Variants in SPON1 observed in about 807,000 individuals in gnomAD.
SPON1 encodes spondin-1.
In SPON1, 52 loss-of-function variants were observed where a neutral mutation model predicts 111.7. That is an observed-to-expected ratio of 0.47 (90% CI 0.37 to 0.59). SPON1 has a LOEUF of 0.59. Among genes scored for constraint, SPON1 ranks in the 20% least tolerant of loss-of-function variants. The pLI is 0.00. For missense variants in SPON1, 957 were observed against 1,068.5 expected (o/e 0.90, Z 1.46); for synonymous variants, 410 against 395.8 (o/e 1.04, Z -0.43).
At chr11:14,122,181 TTTA>T (rs151129585) in intron 5 of SPON1, among the ~76,000 whole-genome samples, 14,660 of 152,080 alleles carry the variant, frequency 0.096, 859 homozygotes, top group African/African-American at 0.15. Flanking sequence ...TTTTTATTTA[TTTA>T]TTTATTTTGA....
intron 5 of SPON1, among the ~76,000 whole-genome samples, chr11:14,090,133 GC>G (rs1849037766): frequency 6.7e-6 from 1 of 148,886 alleles, no homozygotes; most frequent in Non-Finnish European, 1.5e-5. Flanking sequence ...CCTGGTTTCA[GC>G]CCCCTTTCCA....
intron 6 of SPON1, among the ~76,000 whole-genome samples, chr11:14,161,306 T>TATA (rs1349583068): frequency 1.3e-5 from 1 of 75,798 alleles, no homozygotes; most frequent in African/African-American, 5.0e-5. Context: ...TATATATATA[T>TATA]TTTTTTATAT....
At chr11:14,238,085 A>T (rs1848886440) in intron 6 of SPON1, among the ~76,000 whole-genome samples, 1 of 152,250 alleles carries the variant, frequency 6.6e-6, no homozygotes, top group African/African-American at 2.4e-5. Context: ...TGTTGTAAGG[A>T]TTAAATCAGA....
At chr11:14,130,186 G>C (rs1554927410) in intron 5 of SPON1, among the ~76,000 whole-genome samples, 1 of 152,182 alleles carries the variant, frequency 6.6e-6, no homozygotes, top group Admixed American at 6.5e-5. Context: ...CAAAACTGAG[G>C]TTCAAGCCCA....
chr11:14,070,729 A>C (rs782727549), intron 3 of SPON1, among the ~76,000 whole-genome samples: 3 of 152,076 alleles, frequency 2.0e-5, no homozygotes, highest in African/African-American at 7.2e-5. Context: ...AGCCCCTTTT[A>C]GCACTAGACA....
At chr11:14,072,089 A>C (rs567240247) in intron 3 of SPON1, among the ~76,000 whole-genome samples, 1 of 152,294 alleles carries the variant, frequency 6.6e-6, no homozygotes, top group Admixed American at 6.5e-5. Flanking sequence ...CTGATATCTA[A>C]AAGTTTCTGA....
intron 1 of SPON1, among the ~76,000 whole-genome samples, chr11:13,964,459 G>A (rs1290747965): frequency 1.3e-5 from 2 of 152,194 alleles, no homozygotes; most frequent in East Asian, 3.9e-4. Flanking sequence ...GGGTCACGCC[G>A]GAGACCAAAG....
intron 3 of SPON1, among the ~76,000 whole-genome samples, chr11:14,051,851 C>G (rs1554918633): frequency 6.6e-6 from 1 of 152,148 alleles, no homozygotes; most frequent in Non-Finnish European, 1.5e-5. Flanking sequence ...CATTGCATGT[C>G]TTATATATGT....
chr11:14,011,351 G>A (rs1003937048), intron 2 of SPON1, among the ~76,000 whole-genome samples: 5 of 152,044 alleles, frequency 3.3e-5, no homozygotes, highest in South Asian at 2.1e-4. Context: ...AAGGTACTGC[G>A]GTTCTTATTC....
At chr11:14,081,129 A>T (rs781834826) in intron 5 of SPON1, among the ~76,000 whole-genome samples, 2 of 152,192 alleles carry the variant, frequency 1.3e-5, no homozygotes, top group African/African-American at 4.8e-5. Flanking sequence ...AAGATAGCCA[A>T]TACAAAGCCA....
In SPON1 at chr11:14,267,726, T is replaced by C. The variant is rs1849287948; in HGVS notation, c.*2039T>C. The C allele has an allele frequency of 2.6e-5, 4 of 152,372 alleles. No individual in the cohort carries two copies. The South Asian group carries it at 8.3e-4, about 32-fold the overall frequency. The allele number at this position is 152,372 out of a possible 1,614,324, so 9.4% of individuals were successfully genotyped here. Reference sequence around the variant, plus strand: ...GAATTTATAAGAAGCATCAAGTCTCTTTCTTACCAAAGTCTTGTTAGGTGG... The same window carrying C: ...GAATTTATAAGAAGCATCAAGTCTCCTTCTTACCAAAGTCTTGTTAGGTGG... On this transcript the variant is annotated 3_prime_UTR_variant, in exon 16 of 16. Coordinates refer to ENST00000576479, the MANE Select transcript of SPON1 (RefSeq NM_006108.4).
intron 3 of SPON1, among the ~76,000 whole-genome samples, chr11:14,064,227 G>A: frequency 6.6e-6 from 1 of 152,278 alleles, no homozygotes; most frequent in African/African-American, 2.4e-5. Flanking sequence ...ATATAAACAT[G>A]CAATAAATCA....
intron 6 of SPON1, among the ~76,000 whole-genome samples, chr11:14,159,714 G>C (rs1196763114): frequency 6.6e-6 from 1 of 152,066 alleles, no homozygotes; most frequent in Non-Finnish European, 1.5e-5. Context: ...TAAGAAGAAT[G>C]AGATCCAGTC....
chr11:14,262,048 T>TTTTCC (rs1849190342), intron 14 of SPON1, among the ~76,000 whole-genome samples: 1 of 152,208 alleles, frequency 6.6e-6, no homozygotes, highest in African/African-American at 2.4e-5. Flanking sequence ...TGATGTGTTA[T>TTTTCC]TTTCCTTTCA....
intron 7 of SPON1, among the ~76,000 whole-genome samples, chr11:14,244,585 A>G (rs987413665): frequency 4.6e-5 from 7 of 151,598 alleles, no homozygotes; most frequent in African/African-American, 1.7e-4. Context: ...TGCTTCTACT[A>G]AAAATACAAA....
chr11:14,126,734 C>G (rs1847464276), intron 5 of SPON1, among the ~76,000 whole-genome samples: 1 of 152,210 alleles, frequency 6.6e-6, no homozygotes, highest in South Asian at 2.1e-4. Context: ...TCACCAAAGA[C>G]TCCAGAGGCT....
At chr11:14,208,865 G>A (rs1848543548) in intron 6 of SPON1, among the ~76,000 whole-genome samples, 1 of 151,960 alleles carries the variant, frequency 6.6e-6, no homozygotes, top group Non-Finnish European at 1.5e-5. Context: ...AATTATTATT[G>A]CTTCATAATA....
intron 6 of SPON1, among the ~76,000 whole-genome samples, chr11:14,183,800 C>T (rs894834692): frequency 3.3e-5 from 5 of 152,190 alleles, no homozygotes; most frequent in Non-Finnish European, 7.3e-5. Flanking sequence ...TGGTCTTCCC[C>T]TTCTCTTAGC....
At chr11:14,246,268 T>C (rs1848988828) in intron 7 of SPON1, among the ~76,000 whole-genome samples, 2 of 152,200 alleles carry the variant, frequency 1.3e-5, no homozygotes. Context: ...CAGTCCTTTT[T>C]ACCTTCAGCA....
Sources: allele counts gnomAD v4.1 joint callset (sites outside exome capture counted in the v4.1 genomes callset), GRCh38; gene constraint gnomAD v4.1.1; transcripts MANE v1.5; gene names NCBI Gene and HGNC (gene_info 2026-07-23, HGNC 2026-07-21).